Variants in ELMO1 observed in about 807,000 individuals in gnomAD.
ELMO1 encodes engulfment and cell motility protein 1.
ELMO1 carries 26 observed loss-of-function variants against 98.9 expected under a neutral mutation model. That is an observed-to-expected ratio of 0.26 (90% confidence interval 0.19 to 0.36). ELMO1 has a LOEUF of 0.36. ELMO1 is among the 10% of genes least tolerant of loss of function. The probability of loss-of-function intolerance (pLI) is 1.00; values close to 1 mark genes in which losing one functional copy is unlikely to be tolerated. For missense variants in ELMO1, 627 were observed against 935.2 expected, an observed-to-expected ratio of 0.67 and a Z score of 4.30; for synonymous variants, 346 against 346.0, an observed-to-expected ratio of 1.00 and a Z score of 0.00.
intron 16 of ELMO1, among the ~76,000 whole-genome samples, chr7:36,962,426 G>A (rs989277613): frequency 1.3e-5 from 2 of 152,196 alleles, no homozygotes; most frequent in Non-Finnish European, 2.9e-5. Context: ...TAGCGTGGGA[G>A]CCAAACCCAA....
intron 1 of ELMO1, among the ~76,000 whole-genome samples, chr7:37,401,951 G>A (rs1294402857): frequency 6.6e-6 from 1 of 152,160 alleles, no homozygotes; most frequent in Admixed American, 6.5e-5. Context: ...TTAGATCACA[G>A]ATAGCTCCTT....
chr7:37,192,815 TGTG>T (rs1791681886), intron 13 of ELMO1, among the ~76,000 whole-genome samples: 1 of 120,682 alleles, frequency 8.3e-6, no homozygotes, highest in Non-Finnish European at 1.7e-5. Context: ...AAAAAAAAAA[TGTG>T]TGTGTGTGTA....
At chr7:37,238,587 T>C (rs1366777277) in intron 7 of ELMO1, among the ~76,000 whole-genome samples, 5 of 152,184 alleles carry the variant, frequency 3.3e-5, no homozygotes, top group Non-Finnish European at 7.4e-5. Context: ...TCCTATACAA[T>C]GTTGAACAGA....
Position 37,224,935 on chromosome 7 carries a change from G to A in ELMO1, c.645C>T (p.Leu215=), listed in dbSNP as rs1011753784. The change falls in exon 9 of 22, where the codon CTC becomes CTT. Residue 215 remains leucine (L), a synonymous_variant. Transcript: ENST00000310758. ...LESMVLNSHD[L]YQKVAQEITI... is the part of the protein sequence containing the mutation. ...TGATCTCCTGCGCCACTTTCTGGTA[G>A]AGGTCATGGCTATTGAGCACCATCG... is the stretch of plus-strand genomic sequence containing the variant. 1 of 1,614,030 alleles carries A rather than the reference G, an allele frequency of 6.2e-7. No individual in the cohort carries two copies. Among genetic ancestry groups the A allele is most frequent in the African/African-American group, 1.3e-5 (1 of 74,922 alleles).
Position 37,342,020 on chromosome 7 carries a change from A to G in ELMO1, c.78+593T>C, listed in dbSNP as rs1442817824. Among the ~76,000 whole-genome samples the G allele has an allele frequency of 1.3e-5, 2 of 152,188 alleles. No individual in the cohort carries two copies. Among genetic ancestry groups the G allele is most frequent in the African/African-American group, 4.8e-5 (2 of 41,454 alleles). On this transcript the variant is annotated intron_variant, in intron 2 of 21. Transcript: ENST00000310758. The surrounding 1 kb of genome is among the most constrained non-coding windows in gnomAD (Gnocchi z 4.3). ...CTTTATGGGTCAAGCCACTTTTATA[A>G]GTCTTCTTGATATTTTTTAATTCAA... is the stretch of plus-strand genomic sequence containing the variant.
intron 1 of ELMO1, among the ~76,000 whole-genome samples, chr7:37,348,814 CTTAA>C (rs1264423923): frequency 6.6e-6 from 1 of 152,184 alleles, no homozygotes; most frequent in Non-Finnish European, 1.5e-5. Flanking sequence ...TTCCATACAG[CTTAA>C]TTAATTCTTT....
At chr7:37,218,717 T>C (rs977105890) in intron 10 of ELMO1, among the ~76,000 whole-genome samples, 2 of 152,164 alleles carry the variant, frequency 1.3e-5, no homozygotes, top group Non-Finnish European at 2.9e-5. Flanking sequence ...TATGCTCACA[T>C]TTGGTGAAAA....
At chr7:37,008,967 T>C (rs1299704132) in intron 16 of ELMO1, among the ~76,000 whole-genome samples, 2 of 151,766 alleles carry the variant, frequency 1.3e-5, no homozygotes, top group East Asian at 1.9e-4. Context: ...GATAACAGGG[T>C]TTTCAAAAGC....
At chr7:36,966,861 T>C (rs751013551) in intron 16 of ELMO1, among the ~76,000 whole-genome samples, 4 of 152,216 alleles carry the variant, frequency 2.6e-5, no homozygotes, top group Non-Finnish European at 5.9e-5. Context: ...CTGGAAAACA[T>C]GATAAGCAGC....
At chr7:36,914,093 A>C (rs981491593) in intron 16 of ELMO1, among the ~76,000 whole-genome samples, 3 of 152,166 alleles carry the variant, frequency 2.0e-5, no homozygotes, top group African/African-American at 7.2e-5. Context: ...TTGAAAGGAG[A>C]GCGTAAGGAA....
intron 7 of ELMO1, among the ~76,000 whole-genome samples, chr7:37,233,705 C>T (rs192904709): frequency 1.0e-4 from 15 of 147,674 alleles, no homozygotes; most frequent in Middle Eastern, 3.5e-3. Flanking sequence ...AAAAATACTT[C>T]TATTAAGAGA....
At chr7:37,084,828 C>T (rs1190249164) in intron 15 of ELMO1, among the ~76,000 whole-genome samples, 1 of 150,650 alleles carries the variant, frequency 6.6e-6, no homozygotes, top group African/African-American at 2.4e-5. Flanking sequence ...ATGATGTTGG[C>T]TCACTCCAAC....
intron 15 of ELMO1, among the ~76,000 whole-genome samples, chr7:37,041,747 C>T (rs1795520546): frequency 6.6e-6 from 1 of 152,032 alleles, no homozygotes; most frequent in African/African-American, 2.4e-5. Context: ...CCAACAAGAA[C>T]ACATGAGTTA....
chr7:37,432,244 C>T (rs1024123517), intron 1 of ELMO1, among the ~76,000 whole-genome samples: 3 of 152,190 alleles, frequency 2.0e-5, no homozygotes, highest in African/African-American at 7.2e-5. Context: ...ACACCTCAGC[C>T]TATGGACATT....
At chr7:37,381,566 G>C (rs1802583066) in intron 1 of ELMO1, among the ~76,000 whole-genome samples, 1 of 152,178 alleles carries the variant, frequency 6.6e-6, no homozygotes, top group South Asian at 2.1e-4. Flanking sequence ...CAATAACAAT[G>C]GGTGGTTTCA....
At chr7:37,126,919 AT>A (rs200795920) in intron 14 of ELMO1, among the ~76,000 whole-genome samples, 2 of 152,032 alleles carry the variant, frequency 1.3e-5, no homozygotes, top group Non-Finnish European at 2.9e-5. Context: ...TTCTATGTGT[AT>A]TTTTTCCCTC....
At chr7:37,335,302 CAGGGGGCATTCA>C (rs1800340359) in intron 2 of ELMO1, among the ~76,000 whole-genome samples, 1 of 152,044 alleles carries the variant, frequency 6.6e-6, no homozygotes, top group Admixed American at 6.5e-5. Flanking sequence ...TGGGAGAAGG[CAGGGGGCATTCA>C]AGGTGGCATA....
At chr7:36,919,725 A>C (rs1365285016) in intron 16 of ELMO1, among the ~76,000 whole-genome samples, 1 of 152,042 alleles carries the variant, frequency 6.6e-6, no homozygotes, top group African/African-American at 2.4e-5. Flanking sequence ...TTGTATTTCC[A>C]AGCTCTGTGA....
intron 15 of ELMO1, among the ~76,000 whole-genome samples, chr7:37,093,011 T>C (rs1030067087): frequency 2.6e-5 from 4 of 151,164 alleles, no homozygotes; most frequent in Non-Finnish European, 5.9e-5. Context: ...CTAATAAACA[T>C]AGATGCCATT....
Sources: allele counts gnomAD v4.1 joint callset (sites outside exome capture counted in the v4.1 genomes callset), GRCh38; gene constraint gnomAD v4.1.1; non-coding constraint Gnocchi (gnomAD v3.1); transcripts MANE v1.5; gene names NCBI Gene and HGNC (gene_info 2026-07-23, HGNC 2026-07-21).